Variants in GTSF1 observed in about 807,000 individuals in gnomAD.
The protein encoded by GTSF1 is gametocyte specific factor 1, also known as gametocyte-specific factor 1.
Under a neutral mutation model 28.9 loss-of-function variants are expected in GTSF1, and 11 were observed. That is an observed-to-expected ratio of 0.38 (90% confidence interval 0.24 to 0.63). The LOEUF (loss-of-function observed/expected upper bound fraction) is 0.63. Among genes scored for constraint, GTSF1 ranks in the 30% least tolerant of loss-of-function variants. The probability of loss-of-function intolerance (pLI) is 0.56; values close to 1 mark genes in which losing one functional copy is unlikely to be tolerated. For missense variants in GTSF1, 146 were observed against 201.0 expected, an observed-to-expected ratio of 0.73 and a Z score of 1.66; for synonymous variants, 69 against 65.6, an observed-to-expected ratio of 1.05 and a Z score of -0.25.
chr12:54,461,586 T>G (rs540839985), intron 6 of GTSF1, among the ~76,000 whole-genome samples: 1 of 152,186 alleles, frequency 6.6e-6, no homozygotes, highest in East Asian at 1.9e-4. Context: ...GAGCCTGCAG[T>G]GAGCCATGAT....
chr12:54,462,866 G>GATAAGATCCCTCTTTTA, intron 4 of GTSF1, 141 bp from the exon 5 acceptor site: 1 of 645,910 alleles, frequency 1.5e-6, no homozygotes, highest in Non-Finnish European at 2.6e-6. Context: ...AGCTAAAAGA[G>GATAAGATCCCTCTTTTA]GGATCTTATC....
At chr12:54,459,527 A>G (rs1431029855) in intron 7 of GTSF1, 3 of 1,066,390 alleles carry the variant, frequency 2.8e-6, no homozygotes, top group Non-Finnish European at 3.7e-6. Context: ...CTATGTGGAA[A>G]TTTCATTATG....
intron 7 of GTSF1, 195 bp from the exon 8 acceptor site, chr12:54,459,320 T>G: frequency 6.9e-7 from 1 of 1,443,504 alleles, no homozygotes; most frequent in Non-Finnish European, 9.1e-7. Context: ...TACCAAGCCT[T>G]TTGACATATA....
chr12:54,472,136 C>T (rs1237751614), intron 1 of GTSF1: 4 of 122,072 alleles, frequency 3.3e-5, no homozygotes, highest in African/African-American at 7.0e-5. Flanking sequence ...TACAGATAGG[C>T]AGGTTACCAG....
chr12:54,469,132 G>T (rs1448852457), intron 2 of GTSF1, among the ~76,000 whole-genome samples: 3 of 152,110 alleles, frequency 2.0e-5, no homozygotes, highest in Non-Finnish European at 4.4e-5. Context: ...AGGCTGGAGT[G>T]CAGTGGCGTG....
chr12:54,473,534 G>C lies in GTSF1; in HGVS notation c.-30+12C>G, dbSNP rs899308099. On this transcript the variant is annotated intron_variant, in intron 1 of 8. Transcript: ENST00000305879. ...GAATTGCTTAGAGGCGCCCCGGGGT[G>C]CCTTTCCTTACCTCGGTGGACACAC... The C allele has an allele frequency of 1.3e-5, 2 of 152,180 alleles. No homozygotes were observed. The highest frequency in any genetic ancestry group is 2.9e-5 in the Non-Finnish European group (2 of 68,036). The allele number at this position is 152,180 out of a possible 1,614,324, so 9.4% of individuals were successfully genotyped here.
Position 54,462,128 on chromosome 12 carries a change from G to A in GTSF1, c.373C>T (p.His125Tyr). The A allele has an allele frequency of 6.2e-7, 1 of 1,613,492 alleles. No individual in the cohort carries two copies. The highest frequency in any genetic ancestry group is 8.5e-7 in the Non-Finnish European group (1 of 1,179,464). The change falls in exon 6 of 9, where the codon CAC becomes TAC. Residue 125 changes from histidine (H) to tyrosine (Y), a missense_variant. Physicochemically the swap from His to Tyr is moderately conservative, Grantham distance 83. Transcript: ENST00000305879. ...TSTPFVWGTT[H>Y]YSDNNSPASN... ...ATTTACCTGTTGTTGTCAGAGTAGTGAGTTGTGCCCCAGACAAATGGGGTG... is the reference window on the plus strand; with the variant it reads ...ATTTACCTGTTGTTGTCAGAGTAGTAAGTTGTGCCCCAGACAAATGGGGTG...
rs150882865 is a variant in GTSF1 at position 54,456,683 on chromosome 12, C to G, written c.*21-530G>C. 3.7e-3 allele frequency among the ~76,000 whole-genome samples: 567 copies of G among 152,268 alleles called. 1 individual carries two copies. The highest frequency in any genetic ancestry group is 0.013 in the African/African-American group (552 of 41,542). ...CAAACCCTTGTCATGTATGTATATTCAAAAACATTTCACTCACACTTAAGT... is the reference window on the plus strand; with the variant it reads ...CAAACCCTTGTCATGTATGTATATTGAAAAACATTTCACTCACACTTAAGT... On this transcript the variant is annotated intron_variant, in intron 8 of 8. Coordinates refer to ENST00000305879, the MANE Select transcript of GTSF1 (RefSeq NM_144594.3).
intron 6 of GTSF1, 44 bp downstream of exon 6, chr12:54,462,065 G>A (rs778781765): frequency 8.3e-6 from 12 of 1,442,774 alleles, no homozygotes; most frequent in African/African-American, 5.6e-5. Context: ...AACAGAACAC[G>A]CTGATTTTGG....
At chr12:54,459,625 G>T (rs1288522948) in intron 7 of GTSF1, 3 of 285,004 alleles carry the variant, frequency 1.1e-5, no homozygotes, top group Admixed American at 5.1e-5. Context: ...TCTTTATGCT[G>T]GTTCTTATGA....
intron 8 of GTSF1, 128 bp from the exon 9 acceptor site, chr12:54,456,281 T>C (rs1034213773): frequency 9.8e-5 from 15 of 152,344 alleles, no homozygotes; most frequent in Admixed American, 9.2e-4. Flanking sequence ...GAATCTGCTG[T>C]TGTTGATGGC....
chr12:54,473,307 A>C (rs1237865387), intron 1 of GTSF1, among the ~76,000 whole-genome samples: 1 of 152,166 alleles, frequency 6.6e-6, no homozygotes, highest in East Asian at 1.9e-4. Flanking sequence ...TTAATCAATG[A>C]GACTAAATAA....
chr12:54,465,072 T>C lies in GTSF1; in HGVS notation c.112A>G (p.Arg38Gly), dbSNP rs141374168. Residue 38 changes from arginine to glycine, a missense_variant, in exon 3 of 9, where the codon AGA becomes GGA. Arg to Gly is a moderately radical substitution (Grantham distance 125, BLOSUM62 -2). Transcript: ENST00000305879. Reference sequence around the variant, plus strand: ...AGGGCAAATTATGACCCTACCTTTCTGCACTTGATAAGATGATAAGGAAAC... The same window carrying C: ...AGGGCAAATTATGACCCTACCTTTCCGCACTTGATAAGATGATAAGGAAAC... ...CRFPYHLIKC[R>G]KNHPDVASKL... 1,166 of 1,611,704 alleles carry C rather than the reference T, an allele frequency of 7.2e-4. No individual in the cohort carries two copies. The highest frequency in any genetic ancestry group is 9.5e-4 in the Non-Finnish European group (1,123 of 1,178,062).
intron 4 of GTSF1, 124 bp from the exon 5 acceptor site, chr12:54,462,849 G>T: frequency 1.4e-6 from 1 of 696,442 alleles, no homozygotes. Context: ...AAAATGGATA[G>T]TATAAAAGCT....
intron 2 of GTSF1, among the ~76,000 whole-genome samples, chr12:54,469,759 G>A (rs1956571634): frequency 6.7e-6 from 1 of 149,734 alleles, no homozygotes; most frequent in South Asian, 2.1e-4. Flanking sequence ...TGTGATCATA[G>A]CTCACTGTAA....
In GTSF1 at chr12:54,462,648, C is replaced by G; in HGVS notation, c.322G>C (p.Asp108His). 9 of 1,612,716 alleles carry G rather than the reference C, an allele frequency of 5.6e-6. No homozygotes were observed. The highest frequency in any genetic ancestry group is 7.6e-6 in the Non-Finnish European group (9 of 1,178,770). The change falls in exon 5 of 9, where the codon GAT (aspartate) becomes CAT (histidine). Residue 108 changes from aspartate to histidine, a missense_variant. Physicochemically the swap from Asp to His is moderately conservative, Grantham distance 81 (BLOSUM62 -1). Transcript: ENST00000305879. ...AGATGTAGAGGCAGCTCACCTTTAT[C>G]CCAGTCTTCATCGCAAGGAGGGCAC... Reference protein sequence around the residue: ...WQCPPCDEDWDKDLWEQTSTP... With the variant: ...WQCPPCDEDWHKDLWEQTSTP...
In GTSF1 at chr12:54,463,209, G is replaced by A. The variant is rs966859000; in HGVS notation, c.206C>T (p.Ser69Leu). 4.3e-6 allele frequency: 7 copies of A among 1,613,614 alleles called. No individual in the cohort carries two copies. The African/African-American group carries it at 9.3e-5, about 22-fold the overall frequency. The change falls in exon 4 of 9, where the codon TCA becomes TTA. Residue 69 changes from serine to leucine, a missense_variant. Coordinates refer to ENST00000305879, the MANE Select transcript of GTSF1 (RefSeq NM_144594.3). ...AATACAACTTCTGTCATCACAGCTT[G>A]AGATATGATGACTAATTTCAGCTCG... ...VPRAEISHHI[S>L]SCDDRSCIEQ... is the part of the protein sequence containing the mutation.
At chr12:54,460,894 G>A (rs1025649872) in intron 6 of GTSF1, among the ~76,000 whole-genome samples, 2 of 152,168 alleles carry the variant, frequency 1.3e-5, no homozygotes, top group African/African-American at 4.8e-5. Flanking sequence ...CTATCTTAGT[G>A]CACATAAAAT....
Position 54,465,145 on chromosome 12 carries a change from C to T in GTSF1, c.39G>A (p.Lys13=). The T allele has an allele frequency of 1.2e-6, 2 of 1,613,352 alleles. No homozygotes were observed. Among genetic ancestry groups the T allele is most frequent in the Non-Finnish European group, 1.7e-6 (2 of 1,179,452 alleles). ...ETYTDSLDPE[K]LLQCPYDKNH... ...TTTTGTCATAGGGGCATTGCAATAG[C>T]TTCTCAGGGTCCAGGGAGTCGGCTG... is the stretch of plus-strand genomic sequence containing the variant. The change falls in exon 3 of 9, where the codon AAG becomes AAA. Residue 13 remains lysine (K), a synonymous_variant. Coordinates refer to ENST00000305879, the MANE Select transcript of GTSF1 (RefSeq NM_144594.3).
Sources: gnomAD v4.1 joint callset for allele counts (sites outside exome capture counted in the v4.1 genomes callset) on GRCh38, gnomAD v4.1.1 for gene constraint, MANE v1.5 for transcripts, NCBI Gene and HGNC (gene_info 2026-07-23, HGNC 2026-07-21) for gene names.